RNF169: variants seen among roughly 807,000 people sequenced by gnomAD.
RNF169 encodes E3 ubiquitin-protein ligase RNF169.
In RNF169, 24 loss-of-function variants were observed where a neutral mutation model predicts 53.9. That is an observed-to-expected ratio of 0.45 (90% CI 0.32 to 0.63). RNF169 has a LOEUF of 0.63. RNF169 is among the 20% of genes least tolerant of loss of function. The pLI is 0.04. For missense variants in RNF169, 883 were observed against 906.2 expected (o/e 0.97, Z 0.33); for synonymous variants, 396 against 363.5 (o/e 1.09, Z -1.02).
chr11:74,828,421 T>G (rs1321023782), intron 4 of RNF169, among the ~76,000 whole-genome samples: 1 of 152,196 alleles, frequency 6.6e-6, no homozygotes, highest in African/African-American at 2.4e-5. Context: ...AATTTATAGA[T>G]TCAATTCTAT....
chr11:74,804,227 GT>G (rs2135108445), intron 2 of RNF169, among the ~76,000 whole-genome samples: 1 of 152,290 alleles, frequency 6.6e-6, no homozygotes, highest in Admixed American at 6.5e-5. Flanking sequence ...TGATGGAATG[GT>G]GTCCAGTCAA....
chr11:74,778,188 T>C (rs1241871687), intron 1 of RNF169, among the ~76,000 whole-genome samples: 1 of 152,252 alleles, frequency 6.6e-6, no homozygotes, highest in Non-Finnish European at 1.5e-5. Context: ...TCTTAGCTAA[T>C]AAACTGCATT....
Position 74,818,816 on chromosome 11 carries a change from C to T in RNF169, c.842+1102C>T, listed in dbSNP as rs529170082. On this transcript the variant is annotated intron_variant, in intron 4 of 5. Coordinates refer to ENST00000299563, the MANE Select transcript of RNF169 (RefSeq NM_001098638.2). ...TTATTTAGTAGATCTCTCTCTCTTGCTGCTCCTGTGAATACACACCCAGAC... is the reference window on the plus strand; with the variant it reads ...TTATTTAGTAGATCTCTCTCTCTTGTTGCTCCTGTGAATACACACCCAGAC... 1.5e-4 allele frequency among the ~76,000 whole-genome samples: 23 copies of T among 152,286 alleles called. No homozygotes were observed. In the South Asian group the frequency reaches 4.6e-3, roughly 30 times the overall value.
intron 2 of RNF169, among the ~76,000 whole-genome samples, chr11:74,803,044 C>T (rs2035755602): frequency 1.3e-5 from 2 of 151,478 alleles, no homozygotes; most frequent in African/African-American, 4.9e-5. Context: ...CCTCAGCCTC[C>T]TGAGTAGCTG....
At chr11:74,799,010 C>T (rs563850464) in intron 2 of RNF169, among the ~76,000 whole-genome samples, 103 of 149,964 alleles carry the variant, frequency 6.9e-4, no homozygotes, top group African/African-American at 2.4e-3. Context: ...GTCGTGATTG[C>T]ATCCCTGCCC....
chr11:74,797,241 A>G (rs991622176), intron 2 of RNF169, among the ~76,000 whole-genome samples: 6 of 152,350 alleles, frequency 3.9e-5, no homozygotes, highest in African/African-American at 1.4e-4. Flanking sequence ...ATTACATTTT[A>G]AAGTTTCCTT....
At chr11:74,774,656 T>C (rs1021308818) in intron 1 of RNF169, among the ~76,000 whole-genome samples, 1 of 151,852 alleles carries the variant, frequency 6.6e-6, no homozygotes, top group African/African-American at 2.4e-5. Flanking sequence ...AGGTGAGAAT[T>C]AGAAATGAGA....
intron 1 of RNF169, among the ~76,000 whole-genome samples, chr11:74,768,761 T>C (rs2035214647): frequency 6.6e-6 from 1 of 150,480 alleles, no homozygotes; most frequent in Admixed American, 6.6e-5. Context: ...AGTTAAAAAT[T>C]GGGCCAGGCG....
intron 2 of RNF169, among the ~76,000 whole-genome samples, chr11:74,807,137 T>C (rs114866954): frequency 8.9e-4 from 136 of 152,232 alleles, no homozygotes; most frequent in African/African-American, 3.1e-3. Context: ...TATCTCCTTG[T>C]TTAGGGTCCT....
chr11:74,772,156 A>G (rs1324957299), intron 1 of RNF169, among the ~76,000 whole-genome samples: 1 of 146,618 alleles, frequency 6.8e-6, no homozygotes, highest in Middle Eastern at 3.5e-3. Flanking sequence ...CCTTTGCCTG[A>G]TCTAAGGGAA....
At position 74,835,875 on chromosome 11, in the gene RNF169, T is replaced by C. The variant is rs1313768358; in HGVS notation, c.1272T>C (p.Tyr424=). ...LNRSLQKQTS[Y]EASPRILKKW... ...GAAGCCTGCAGAAGCAGACTTCTTATGAGGCCAGTCCACGGATCCTCAAAA... is the reference window on the plus strand; with the variant it reads ...GAAGCCTGCAGAAGCAGACTTCTTACGAGGCCAGTCCACGGATCCTCAAAA... Residue 424 remains tyrosine (Y), a synonymous_variant, in exon 6 of 6, where the codon TAT becomes TAC. Transcript: ENST00000299563. The C allele has an allele frequency of 1.2e-6, 2 of 1,614,086 alleles. No individual in the cohort carries two copies. Among genetic ancestry groups the C allele is most frequent in the African/African-American group, 1.3e-5 (1 of 74,932 alleles).
At chr11:74,807,351 C>T (rs1265577735) in intron 2 of RNF169, among the ~76,000 whole-genome samples, 1 of 151,982 alleles carries the variant, frequency 6.6e-6, no homozygotes. Flanking sequence ...ATTTCATATA[C>T]CTGTAGCCAA....
In RNF169 at chr11:74,817,610, C is replaced by T; in HGVS notation, c.738C>T (p.Leu246=). 6.2e-7 allele frequency: 1 copy of T among 1,612,892 alleles called. No individual in the cohort carries two copies. The highest frequency in any genetic ancestry group is 8.5e-7 in the Non-Finnish European group (1 of 1,178,882). ...CTCCCTGCCAGTGTCCTGCACGTCT[C>T]TCAGATTCAGAGAATGAAGAACCTT... The part of the protein sequence containing the change: ...KTNLERCPAR[L]SDSENEEPSR... The change falls in exon 4 of 6, where the codon CTC becomes CTT. Residue 246 remains leucine (L), a synonymous_variant. Coordinates refer to ENST00000299563, the MANE Select transcript of RNF169 (RefSeq NM_001098638.2).
In RNF169 at chr11:74,819,875, G is replaced by A. The variant is rs527851382; in HGVS notation, c.842+2161G>A. ...GTGTTCTACTTAGTAGAAATTAACC[G>A]TAGCTACATTGTTTTGTTTTCTAAC... is the stretch of plus-strand genomic sequence containing the variant. On this transcript the variant is annotated intron_variant, in intron 4 of 5. Transcript: ENST00000299563. Among the ~76,000 whole-genome samples the A allele has an allele frequency of 2.2e-4, 34 of 152,240 alleles. No homozygotes were observed. In the South Asian group the frequency reaches 4.3e-3, roughly 19 times the overall value.
chr11:74,748,963 G>A lies in RNF169; in HGVS notation c.83G>A (p.Cys28Tyr). ...ALSRRGRRGR[C>Y]DETAAAKTGA... The stretch of plus-strand genomic sequence containing the variant: ...AGTCGGCGGGGCCGGCGGGGCCGCT[G>A]TGACGAGACGGCGGCAGCTAAGACT... Residue 28 changes from cysteine to tyrosine, a missense_variant, in exon 1 of 6, where the codon TGT becomes TAT. Coordinates refer to ENST00000299563, the MANE Select transcript of RNF169 (RefSeq NM_001098638.2). 6.8e-7 allele frequency: 1 copy of A among 1,478,772 alleles called. No individual in the cohort carries two copies. The highest frequency in any genetic ancestry group is 9.0e-7 in the Non-Finnish European group (1 of 1,105,156). The allele number at this position is 1,478,772 out of a possible 1,614,324, so 91.6% of individuals were successfully genotyped here. A position where few individuals can be genotyped will look rare whatever the true frequency, so the allele number is the denominator to read the frequency against.
At chr11:74,812,763 C>T (rs1565183430) in intron 3 of RNF169, among the ~76,000 whole-genome samples, 2 of 152,166 alleles carry the variant, frequency 1.3e-5, no homozygotes, top group Admixed American at 6.5e-5. Context: ...TATATAGAAA[C>T]TATTGTGATT....
At chr11:74,799,752 C>T (rs2035704254) in intron 2 of RNF169, among the ~76,000 whole-genome samples, 1 of 151,594 alleles carries the variant, frequency 6.6e-6, no homozygotes. Context: ...TTATTTTTTT[C>T]TGCTTATGAA....
chr11:74,773,925 T>G (rs118034067), intron 1 of RNF169, among the ~76,000 whole-genome samples: 2,046 of 152,348 alleles, frequency 0.013, 15 homozygotes, highest in Non-Finnish European at 0.022. Context: ...TAGCTGTTAT[T>G]ATATGCAGTC....
intron 1 of RNF169, among the ~76,000 whole-genome samples, chr11:74,762,703 G>A (rs1012017724): frequency 2.0e-5 from 3 of 152,050 alleles, no homozygotes; most frequent in Admixed American, 2.0e-4. Context: ...AACAAAAATG[G>A]AACTACAAAC....
Sources: gnomAD v4.1 joint callset for allele counts (sites outside exome capture counted in the v4.1 genomes callset) on GRCh38, gnomAD v4.1.1 for gene constraint, MANE v1.5 for transcripts, NCBI Gene and HGNC (gene_info 2026-07-23, HGNC 2026-07-21) for gene names.